The following POU2F3 variants were observed in gnomAD, a reference collection of about 807,000 sequenced individuals.
The protein encoded by POU2F3 is POU class 2 homeobox 3, also known as POU domain, class 2, transcription factor 3.
POU2F3 carries 23 observed loss-of-function variants against 59.2 expected under a neutral mutation model. The ratio of observed to expected loss-of-function variants is 0.39; its 90% CI spans 0.28 to 0.55. POU2F3 has a LOEUF of 0.55. Ranked by LOEUF, POU2F3 falls within the 20% of genes least tolerant of loss-of-function variation. The probability of loss-of-function intolerance (pLI) is 0.66; values close to 1 mark genes in which losing one functional copy is unlikely to be tolerated. For synonymous variants in POU2F3, 190 were observed against 214.6 expected (o/e 0.89, Z 1.00); for missense variants, 473 against 544.5 (o/e 0.87, Z 1.31).
At chr11:120,244,561 A>C (rs1938794696) in intron 1 of POU2F3, among the ~76,000 whole-genome samples, 1 of 152,218 alleles carries the variant, frequency 6.6e-6, no homozygotes, top group Non-Finnish European at 1.5e-5. Flanking sequence ...TCTGATGCCA[A>C]ATCCCATGCT....
chr11:120,317,160 G>C, intron 11 of POU2F3, 69 bp from the exon 12 acceptor site: 1 of 1,576,414 alleles, frequency 6.3e-7, no homozygotes, highest in Non-Finnish European at 8.7e-7. Context: ...TGTCTGAGGG[G>C]CTATGTCCCG....
intron 10 of POU2F3, among the ~76,000 whole-genome samples, chr11:120,310,079 A>T (rs1941614860): frequency 6.6e-6 from 1 of 152,224 alleles, no homozygotes; most frequent in Non-Finnish European, 1.5e-5. Context: ...GGAGAGCTCT[A>T]GCCAGAGAAA....
At position 120,317,298 on chromosome 11, in the gene POU2F3, G is replaced by C; in HGVS notation, c.1205G>C (p.Ser402Thr). 1 of 1,614,068 alleles carries C rather than the reference G, an allele frequency of 6.2e-7. No homozygotes were observed. Among genetic ancestry groups the C allele is most frequent in the Non-Finnish European group, 8.5e-7 (1 of 1,179,946 alleles). The stretch of plus-strand genomic sequence containing the variant: ...CCTGGCTCAGGACTCCACGCCAGCA[G>C]CCCCACTGCATCTCAAAATAACTCC... Reference protein sequence around the residue: ...SSPGSGLHASSPTASQNNSKA... With the variant: ...SSPGSGLHASTPTASQNNSKA... Residue 402 changes from serine (S) to threonine (T), a missense_variant, in exon 12 of 13, where the codon AGC (serine) becomes ACC (threonine). Transcript: ENST00000543440.
chr11:120,239,294 G>A (rs1034658502), upstream of POU2F3, among the ~76,000 whole-genome samples: 1 of 152,214 alleles, frequency 6.6e-6, no homozygotes, highest in Non-Finnish European at 1.5e-5. Context: ...TTGAAGAGAC[G>A]AAGAGAAAGG....
chr11:120,277,242 G>C lies in POU2F3; in HGVS notation c.132+7998G>C, dbSNP rs544289922. 2.3e-3 allele frequency among the ~76,000 whole-genome samples: 344 copies of C among 152,096 alleles called. 2 individuals are homozygous for C. Among genetic ancestry groups the C allele is most frequent in the African/African-American group, 8.1e-3 (335 of 41,480 alleles). ...GGAGGCAGAGGTTACAGTGAGCCGA[G>C]ATCGTGCCACTGCACTCCAGCCTGG... is the stretch of plus-strand genomic sequence containing the variant. On this transcript the variant is annotated intron_variant, in intron 3 of 12. Transcript: ENST00000543440.
chr11:120,240,316 C>A lies in POU2F3; in HGVS notation c.-28C>A. ...GGCAGAGGCGAGGGGCCTGGGGGGGCGCTGGCTTTGGCCCCGCCTGGGGCA... is the reference window on the plus strand; with the variant it reads ...GGCAGAGGCGAGGGGCCTGGGGGGGAGCTGGCTTTGGCCCCGCCTGGGGCA... On this transcript the variant is annotated 5_prime_UTR_variant, in exon 1 of 13. Transcript: ENST00000543440. The A allele has an allele frequency of 2.9e-6, 4 of 1,364,782 alleles. No homozygotes were observed. Among genetic ancestry groups the A allele is most frequent in the South Asian group, 2.1e-5 (1 of 46,812 alleles). 84.5% of individuals were successfully genotyped at this position (1,364,782 alleles called of 1,614,324 possible). A position where few individuals can be genotyped will look rare whatever the true frequency, so the allele number is the denominator to read the frequency against.
chr11:120,236,643 A>C (rs915503590), upstream of POU2F3: 28 of 1,469,830 alleles, frequency 1.9e-5, no homozygotes, highest in African/African-American at 3.4e-4. Flanking sequence ...TCTCTATCTC[A>C]CTCCAGCCCA....
At chr11:120,304,951 A>T in intron 6 of POU2F3, 79 bp from the exon 7 acceptor site, 1 of 910,308 alleles carries the variant, frequency 1.1e-6, no homozygotes, top group East Asian at 2.0e-4. Context: ...GTAAAAAAAA[A>T]AAAAAAAAAA....
chr11:120,251,527 T>G (rs1197775438), intron 2 of POU2F3, among the ~76,000 whole-genome samples: 1 of 152,176 alleles, frequency 6.6e-6, no homozygotes, highest in African/African-American at 2.4e-5. Context: ...AGGTAGCCTC[T>G]AGGATCTGCA....
chr11:120,255,380 C>T (rs971662629), intron 2 of POU2F3, among the ~76,000 whole-genome samples: 1 of 151,966 alleles, frequency 6.6e-6, no homozygotes, highest in South Asian at 2.1e-4. Context: ...CAGAGAGGTG[C>T]GGAAAGGAGA....
At chr11:120,289,097 T>C (rs1940930739) in intron 3 of POU2F3, among the ~76,000 whole-genome samples, 2 of 152,182 alleles carry the variant, frequency 1.3e-5, no homozygotes, top group African/African-American at 2.4e-5. Context: ...ATATATGGCT[T>C]AGAAAGTGGA....
At chr11:120,241,549 G>A (rs554751414) in intron 1 of POU2F3, among the ~76,000 whole-genome samples, 11 of 152,306 alleles carry the variant, frequency 7.2e-5, no homozygotes, top group Middle Eastern at 3.4e-3. Context: ...TAGGTGAGGC[G>A]GAAGAAGCCA....
At chr11:120,277,643 G>T (rs897411561) in intron 3 of POU2F3, among the ~76,000 whole-genome samples, 1 of 151,962 alleles carries the variant, frequency 6.6e-6, no homozygotes, top group Non-Finnish European at 1.5e-5. Flanking sequence ...TTAGCCGGGC[G>T]CAGTGGCTTA....
intron 3 of POU2F3, among the ~76,000 whole-genome samples, chr11:120,282,997 A>G (rs907642730): frequency 1.3e-5 from 2 of 152,198 alleles, no homozygotes; most frequent in South Asian, 2.1e-4. Context: ...GCAGAGGCCA[A>G]TGGTGGAGAG....
intron 3 of POU2F3, among the ~76,000 whole-genome samples, chr11:120,277,931 C>A (rs543899177): frequency 6.6e-6 from 1 of 152,282 alleles, no homozygotes; most frequent in South Asian, 2.1e-4. Context: ...GACAGTAGGT[C>A]CCTCATGCCT....
chr11:120,240,738 A>AT (rs1313287400), intron 1 of POU2F3, among the ~76,000 whole-genome samples: 2 of 152,142 alleles, frequency 1.3e-5, no homozygotes, highest in African/African-American at 4.8e-5. Context: ...CTGGGAGTGC[A>AT]TAAGTGAGGG....
At chr11:120,304,969 AAAT>A in intron 6 of POU2F3, 58 bp from the exon 7 acceptor site, 178 of 1,178,614 alleles carry the variant, frequency 1.5e-4, no homozygotes, top group Non-Finnish European at 2.0e-4. Context: ...AAAAAAAAAA[AAAT>A]CAGAAAATGT....
intron 2 of POU2F3, chr11:120,253,665 T>C (rs1331557091): frequency 6.6e-6 from 1 of 152,198 alleles, no homozygotes; most frequent in African/African-American, 2.4e-5. Context: ...CTAAAGATGG[T>C]GGTAGGAAGA....
chr11:120,307,603 G>T lies in POU2F3; in HGVS notation c.894G>T (p.Lys298Asn), dbSNP rs769072110. The T allele has an allele frequency of 6.2e-7, 1 of 1,614,018 alleles. No homozygotes were observed. The highest frequency in any genetic ancestry group is 1.3e-5 in the African/African-American group (1 of 74,950). The change falls in exon 9 of 13, where the codon AAG (lysine) becomes AAT (asparagine). Residue 298 changes from lysine to asparagine, a missense_variant. Lys to Asn is a moderately conservative substitution (Grantham distance 94). Coordinates refer to ENST00000543440, the MANE Select transcript of POU2F3 (RefSeq NM_014352.4). ...CCAACATCCGCCTGACTCTGGAGAAGAGGTTTCAAGATGTGAGCAGCACCT... is the reference window on the plus strand; with the variant it reads ...CCAACATCCGCCTGACTCTGGAGAATAGGTTTCAAGATGTGAGCAGCACCT... ...IETNIRLTLE[K>N]RFQDNPKPSS...
Sources: gnomAD v4.1 joint callset for allele counts (sites outside exome capture counted in the v4.1 genomes callset) on GRCh38, gnomAD v4.1.1 for gene constraint, MANE v1.5 for transcripts, NCBI Gene and HGNC (gene_info 2026-07-23, HGNC 2026-07-21) for gene names.